The following HECW1 variants were observed in gnomAD, a reference collection of about 807,000 sequenced individuals.
The protein encoded by HECW1 is HECT, C2 and WW domain containing E3 ubiquitin protein ligase 1.
In HECW1, 61 loss-of-function variants were observed where a neutral mutation model predicts 182.3. The observed-to-expected ratio is 0.33, with a 90% CI of 0.27 to 0.41. HECW1 has a LOEUF of 0.41. Ranked by LOEUF, HECW1 falls within the 10% of genes least tolerant of loss-of-function variation. The pLI, the probability that HECW1 is intolerant of heterozygous loss-of-function variation, is 1.00. For synonymous variants in HECW1, 859 were observed against 832.6 expected (o/e 1.03, Z -0.55); for missense variants, 1,739 against 2,108.9 (o/e 0.82, Z 3.44).
At chr7:43,323,960 G>A (rs896040362) in intron 5 of HECW1, among the ~76,000 whole-genome samples, 2 of 152,116 alleles carry the variant, frequency 1.3e-5, no homozygotes, top group Non-Finnish European at 2.9e-5. Context: ...CTTGAACCAG[G>A]GAGGCGGAGG....
intron 2 of HECW1, among the ~76,000 whole-genome samples, chr7:43,156,427 A>G (rs1209474870): frequency 6.6e-6 from 1 of 152,204 alleles, no homozygotes; most frequent in Non-Finnish European, 1.5e-5. Flanking sequence ...ACCTCTGGAA[A>G]GATCAAACTA....
chr7:43,452,639 T>G (rs1019328865), intron 12 of HECW1, among the ~76,000 whole-genome samples: 1 of 152,250 alleles, frequency 6.6e-6, no homozygotes, highest in African/African-American at 2.4e-5. Context: ...TCATGGAGCT[T>G]ACAGTCTAGT....
intron 3 of HECW1, among the ~76,000 whole-genome samples, chr7:43,277,858 T>C (rs1803361511): frequency 6.6e-6 from 1 of 152,200 alleles, no homozygotes; most frequent in Non-Finnish European, 1.5e-5. Flanking sequence ...TGGACACGGT[T>C]GACTGTACCT....
intron 24 of HECW1, among the ~76,000 whole-genome samples, chr7:43,521,154 G>A (rs1239895388): frequency 6.6e-6 from 1 of 152,206 alleles, no homozygotes; most frequent in East Asian, 1.9e-4. Flanking sequence ...GAATTCATAT[G>A]TTGAAACTTA....
At chr7:43,374,338 A>G (rs1383774840) in intron 6 of HECW1, among the ~76,000 whole-genome samples, 1 of 152,220 alleles carries the variant, frequency 6.6e-6, no homozygotes, top group Non-Finnish European at 1.5e-5. Flanking sequence ...AATGGTAAGA[A>G]GGACAGTAAG....
chr7:43,325,668 C>T (rs1054989145), intron 5 of HECW1, among the ~76,000 whole-genome samples: 1 of 152,036 alleles, frequency 6.6e-6, no homozygotes, highest in Non-Finnish European at 1.5e-5. Flanking sequence ...GCTGTCCAGG[C>T]ATAAATGAGA....
chr7:43,121,847 C>G (rs544236296), intron 2 of HECW1: 186 of 152,316 alleles, frequency 1.2e-3, no homozygotes, highest in African/African-American at 4.2e-3. Flanking sequence ...GGGCTTGTCA[C>G]ACTTCTCTTA....
At position 43,407,697 on chromosome 7, in the gene HECW1, T is replaced by C. The variant is rs1021180141; in HGVS notation, c.767T>C (p.Ile256Thr). 7 of 1,613,772 alleles carry C rather than the reference T, an allele frequency of 4.3e-6. No individual in the cohort carries two copies. Among genetic ancestry groups the C allele is most frequent in the Non-Finnish European group, 5.9e-6 (7 of 1,179,928 alleles). ...HHGQERRSKI[I>T]GNTVNPIWQA... ...GGACAGGAGAGGAGATCCAAGATCA[T>C]AGGCAACACCGTGAACCCCATCTGG... Residue 256 changes from isoleucine (I) to threonine (T), a missense_variant, in exon 8 of 30, where the codon ATA becomes ACA. Ile to Thr is a moderately conservative substitution (Grantham distance 89, BLOSUM62 -1). Around this residue, in one of 5 missense-constraint regions of HECW1, gnomAD observed 279 missense variants for 353.1 expected, o/e 0.79. Transcript: ENST00000395891.
chr7:43,442,715 T>C (rs2076927058), intron 10 of HECW1, 86 bp downstream of exon 10: 7 of 883,148 alleles, frequency 7.9e-6, no homozygotes, highest in South Asian at 7.2e-5. Flanking sequence ...ACTATGGTTC[T>C]CTCCAGATGT....
intron 3 of HECW1, among the ~76,000 whole-genome samples, chr7:43,249,631 A>T (rs1377938582): frequency 6.6e-6 from 1 of 152,214 alleles, no homozygotes; most frequent in African/African-American, 2.4e-5. Context: ...TAGGGCATGC[A>T]CACTGCATAG....
intron 24 of HECW1, among the ~76,000 whole-genome samples, chr7:43,523,683 G>A (rs2080625394): frequency 6.6e-6 from 1 of 152,148 alleles, no homozygotes; most frequent in South Asian, 2.1e-4. Flanking sequence ...GAGATCGAGG[G>A]AAATAAATGG....
chr7:43,271,251 A>G (rs1802373267), intron 3 of HECW1, among the ~76,000 whole-genome samples: 1 of 152,212 alleles, frequency 6.6e-6, no homozygotes, highest in African/African-American at 2.4e-5. Flanking sequence ...AGTAATTGAC[A>G]ACATCATATG....
chr7:43,316,387 T>A (rs973149677), intron 4 of HECW1, among the ~76,000 whole-genome samples: 3 of 152,186 alleles, frequency 2.0e-5, no homozygotes, highest in African/African-American at 7.2e-5. Flanking sequence ...CATAGGGATT[T>A]GCAATAGAGG....
At chr7:43,362,086 G>A (rs1392781410) in intron 6 of HECW1, among the ~76,000 whole-genome samples, 4 of 127,720 alleles carry the variant, frequency 3.1e-5, no homozygotes, top group Admixed American at 9.6e-5. Flanking sequence ...AGCAGAGATC[G>A]CACCACTGCA....
chr7:43,429,473 C>T (rs576856410), intron 8 of HECW1, among the ~76,000 whole-genome samples: 1 of 151,892 alleles, frequency 6.6e-6, no homozygotes, highest in African/African-American at 2.4e-5. Flanking sequence ...TCCAAGGGCA[C>T]CACTTCTTAA....
intron 7 of HECW1, among the ~76,000 whole-genome samples, chr7:43,401,584 TTTC>T (rs1298302208): frequency 2.7e-5 from 4 of 150,006 alleles, no homozygotes; most frequent in Admixed American, 2.0e-4. Context: ...TTTTTTTTTT[TTTC>T]CCCCAAATAT....
At chr7:43,283,977 T>C (rs1355686268) in intron 3 of HECW1, among the ~76,000 whole-genome samples, 1 of 152,182 alleles carries the variant, frequency 6.6e-6, no homozygotes, top group African/African-American at 2.4e-5. Flanking sequence ...AGCACCAGGA[T>C]GCGTCTGCCC....
chr7:43,183,890 G>T (rs900155153), intron 2 of HECW1, among the ~76,000 whole-genome samples: 5 of 152,036 alleles, frequency 3.3e-5, no homozygotes, highest in Non-Finnish European at 7.4e-5. Context: ...AGTATAACAA[G>T]TGTAGGCACA....
chr7:43,193,283 C>T (rs1018651089), intron 2 of HECW1, among the ~76,000 whole-genome samples: 1 of 152,228 alleles, frequency 6.6e-6, no homozygotes, highest in Non-Finnish European at 1.5e-5. Flanking sequence ...TCAGCAGGAT[C>T]TTCGTGACCT....
Sources: allele counts gnomAD v4.1 joint callset (sites outside exome capture counted in the v4.1 genomes callset), GRCh38; gene constraint gnomAD v4.1.1; regional missense constraint gnomAD v4.1.1; transcripts MANE v1.5; gene names NCBI Gene and HGNC (gene_info 2026-07-23, HGNC 2026-07-21).